The following PTPRB variants were observed in gnomAD, a reference collection of about 807,000 sequenced individuals.
PTPRB encodes receptor-type tyrosine-protein phosphatase beta.
A neutral mutation model predicts 238.1 loss-of-function variants in PTPRB; 97 were observed. That is an observed-to-expected ratio of 0.41 (90% CI 0.35 to 0.48). The LOEUF (loss-of-function observed/expected upper bound fraction) is 0.48. Ranked by LOEUF, PTPRB falls within the 20% of genes least tolerant of loss-of-function variation. PTPRB has a pLI of 0.30. For missense variants in PTPRB, 2,292 were observed against 2,681.9 expected (o/e 0.85, Z 3.21); for synonymous variants, 970 against 995.4 (o/e 0.97, Z 0.48).
intron 29 of PTPRB, among the ~76,000 whole-genome samples, 171 bp from the exon 30 acceptor site, chr12:70,535,126 G>T (rs1211504297): frequency 6.6e-6 from 1 of 151,822 alleles, no homozygotes; most frequent in Admixed American, 6.6e-5. Flanking sequence ...TGAAGCTGAG[G>T]TGCTGCTCCA....
chr12:70,637,054 T>C (rs1399609779), intron 1 of PTPRB, among the ~76,000 whole-genome samples: 2 of 152,148 alleles, frequency 1.3e-5, no homozygotes, highest in Non-Finnish European at 2.9e-5. Context: ...TGTTATATAA[T>C]AATACAAACT....
In PTPRB at chr12:70,632,347, C is replaced by T. The variant is rs568637800; in HGVS notation, c.451+3324G>A. Among the ~76,000 whole-genome samples, 18 of 151,950 alleles carry T rather than the reference C, an allele frequency of 1.2e-4. No individual in the cohort carries two copies. The South Asian group carries it at 2.5e-3, about 21-fold the overall frequency. On this transcript the variant is annotated intron_variant, in intron 2 of 33. Transcript: ENST00000334414. ...CACAAGGACAGAAAACCAAACACCGCGTGTACCACTCATAGGTGGAAATTG... is the reference window on the plus strand; with the variant it reads ...CACAAGGACAGAAAACCAAACACCGTGTGTACCACTCATAGGTGGAAATTG...
In PTPRB at chr12:70,564,932, C is replaced by T. The variant is rs1565950079; in HGVS notation, c.3904+1503G>A. Among the ~76,000 whole-genome samples the T allele has an allele frequency of 2.0e-5, 3 of 151,058 alleles. No homozygotes were observed. In the Admixed American group the frequency reaches 2.0e-4, roughly 10 times the overall value. On this transcript the variant is annotated intron_variant, in intron 15 of 33. Transcript: ENST00000334414. ...GTAAGCCCCAACTCTTGCTATCCCA[C>T]CTTCCTAACTTAATTTCCTTCTTGG... is the stretch of plus-strand genomic sequence containing the variant.
At chr12:70,628,623 G>A (rs1333426344) in intron 2 of PTPRB, among the ~76,000 whole-genome samples, 1 of 152,148 alleles carries the variant, frequency 6.6e-6, no homozygotes, top group Non-Finnish European at 1.5e-5. Context: ...CAAGGCATGA[G>A]AAATTTTCCC....
chr12:70,529,530 T>A (rs1872862297), intron 32 of PTPRB, among the ~76,000 whole-genome samples: 1 of 152,180 alleles, frequency 6.6e-6, no homozygotes, highest in South Asian at 2.1e-4. Context: ...GGATATTTGT[T>A]CATTCATTTA....
intron 2 of PTPRB, among the ~76,000 whole-genome samples, chr12:70,634,916 A>T (rs1205867744): frequency 1.3e-5 from 2 of 152,226 alleles, no homozygotes; most frequent in Non-Finnish European, 2.9e-5. Flanking sequence ...CTAATAGAAG[A>T]GTAAATACAC....
At chr12:70,633,523 C>T (rs1276965339) in intron 2 of PTPRB, among the ~76,000 whole-genome samples, 1 of 151,900 alleles carries the variant, frequency 6.6e-6, no homozygotes, top group African/African-American at 2.4e-5. Flanking sequence ...AAAAATATAT[C>T]TGTTAGCTTA....
rs770849666 is a variant in PTPRB, at chr12:70,521,290, A to C, written c.*199T>G. On this transcript the variant is annotated 3_prime_UTR_variant, in exon 34 of 34. Transcript: ENST00000334414. ...AACATTATGAAAAATACATATTTAC[A>C]GAAGAAACTACAAAATACAACTATG... 3 of 424,642 alleles carry C rather than the reference A, an allele frequency of 7.1e-6. No individual in the cohort carries two copies. 26.3% of individuals were successfully genotyped at this position (424,642 alleles called of 1,614,324 possible). A position where few individuals can be genotyped will look rare whatever the true frequency, so the allele number is the denominator to read the frequency against.
intron 2 of PTPRB, among the ~76,000 whole-genome samples, chr12:70,632,033 A>T (rs941136324): frequency 2.0e-5 from 3 of 152,186 alleles, no homozygotes; most frequent in African/African-American, 7.2e-5. Flanking sequence ...TTCTTCAAGG[A>T]TCTAGAACTA....
rs527877251 is a variant in PTPRB, at chr12:70,598,013, C to G, written c.980-1686G>C. ...TAATAATAACATAAATGTTAGCTGA[C>G]AAGCAAGCTGAGGCAGCAGTAACTA... On this transcript the variant is annotated intron_variant, in intron 4 of 33. Coordinates refer to ENST00000334414, the MANE Select transcript of PTPRB (RefSeq NM_001109754.4). 4.6e-5 allele frequency among the ~76,000 whole-genome samples: 7 copies of G among 152,268 alleles called. No homozygotes were observed. The South Asian group carries it at 1.2e-3, about 27-fold the overall frequency.
chr12:70,539,599 G>A (rs1874722305), intron 26 of PTPRB, 26 bp downstream of exon 26: 2 of 1,471,946 alleles, frequency 1.4e-6, no homozygotes, highest in East Asian at 2.4e-5. Flanking sequence ...TAGGGATGCT[G>A]AAGCTTCATT....
At position 70,571,888 on chromosome 12, in the gene PTPRB, G is replaced by A. The variant is rs759747092; in HGVS notation, c.3042C>T (p.Tyr1014=). The A allele has an allele frequency of 2.5e-6, 4 of 1,613,806 alleles. No homozygotes were observed. The highest frequency in any genetic ancestry group is 1.7e-5 in the Admixed American group (1 of 60,008). The stretch of plus-strand genomic sequence containing the variant: ...CACTTTTTGTAGTAACAGTGACACT[G>A]TACAACCGTCCAGGGACTAGCTGAA... The part of the protein sequence containing the change: ...VFVQLVPGRL[Y]SVTVTTKSGQ... The change falls in exon 12 of 34, where the codon TAC becomes TAT. Residue 1014 remains tyrosine, a synonymous_variant. Coordinates refer to ENST00000334414, the MANE Select transcript of PTPRB (RefSeq NM_001109754.4).
In PTPRB at chr12:70,560,049, C is replaced by G. The variant is rs570115297; in HGVS notation, c.4433-425G>C. 9.2e-5 allele frequency among the ~76,000 whole-genome samples: 14 copies of G among 152,042 alleles called. No homozygotes were observed. Among genetic ancestry groups the G allele is most frequent in the Non-Finnish European group, 1.8e-4 (12 of 68,008 alleles). On this transcript the variant is annotated intron_variant, in intron 17 of 33. Transcript: ENST00000334414. The surrounding 1 kb of genome is among the most constrained non-coding windows in gnomAD (Gnocchi z 4.2). ...ACAGGGTTTCCTCTCGTTGACCAGG[C>G]TGGTCTCGAACTCCAGACCTCAAGT...
Position 70,555,982 on chromosome 12 carries a change from C to T in PTPRB, c.4881G>A (p.Leu1627=), listed in dbSNP as rs931984688. The T allele has an allele frequency of 6.2e-7, 1 of 1,613,948 alleles. No homozygotes were observed. The highest frequency in any genetic ancestry group is 8.5e-7 in the Non-Finnish European group (1 of 1,179,880). The change falls in exon 19 of 34, where the codon CTG becomes CTA. Residue 1627 remains leucine (L), a synonymous_variant. Transcript: ENST00000334414. The part of the protein sequence containing the change: ...FSRKLEKEKS[L]LNIMMLVPHK... ...GGGGCACTAGCATCATGATGTTGAG[C>T]AGAGATTTTTCTTTCTCCAGCTTTC...
chr12:70,606,213 C>T (rs1308683647), intron 4 of PTPRB, among the ~76,000 whole-genome samples: 2 of 152,190 alleles, frequency 1.3e-5, no homozygotes, highest in Admixed American at 1.3e-4. Flanking sequence ...TTTTGTTAGT[C>T]ATCTTTATAA....
In PTPRB at chr12:70,587,958, G is replaced by A. The variant is rs143587340; in HGVS notation, c.2051-691C>T. ...TCTACTAAAAATACAAAAATTAGCCGGGCGTGGTGGCTCACATCTGTAGTC... is the reference window on the plus strand; with the variant it reads ...TCTACTAAAAATACAAAAATTAGCCAGGCGTGGTGGCTCACATCTGTAGTC... On this transcript the variant is annotated intron_variant, in intron 8 of 33. Coordinates refer to ENST00000334414, the MANE Select transcript of PTPRB (RefSeq NM_001109754.4). 4.4e-3 allele frequency among the ~76,000 whole-genome samples: 664 copies of A among 151,488 alleles called. 5 individuals carry two copies. The highest frequency in any genetic ancestry group is 0.015 in the African/African-American group (635 of 41,332).
intron 7 of PTPRB, among the ~76,000 whole-genome samples, chr12:70,590,680 G>T (rs1762228984): frequency 6.8e-6 from 1 of 146,446 alleles, no homozygotes; most frequent in Admixed American, 7.1e-5. Flanking sequence ...TACATTTTTG[G>T]CTCTTTAAGT....
At chr12:70,541,054 T>C (rs1875014646) in intron 22 of PTPRB, 97 bp from the exon 23 acceptor site, 5 of 960,962 alleles carry the variant, frequency 5.2e-6, no homozygotes, top group African/African-American at 3.3e-5. Flanking sequence ...CCAAGTAATG[T>C]TATTACAAAT....
At position 70,596,275 on chromosome 12, in the gene PTPRB, G is replaced by A. The variant is rs778173055; in HGVS notation, c.1032C>T (p.Thr344=). ...AAGGAGTCCACCAAACATGCAAGCT[G>A]GTTGAAGTCGTCTTCTCTTTACTGA... ...FGVSKEKTTS[T]SLHVWWTPSS... The change falls in exon 5 of 34, where the codon ACC becomes ACT. Residue 344 remains threonine (T), a synonymous_variant. Coordinates refer to ENST00000334414, the MANE Select transcript of PTPRB (RefSeq NM_001109754.4). 6 of 1,610,890 alleles carry A rather than the reference G, an allele frequency of 3.7e-6. No homozygotes were observed. The South Asian group carries it at 5.5e-5, about 15-fold the overall frequency.
Sources: gnomAD v4.1 joint callset for allele counts (sites outside exome capture counted in the v4.1 genomes callset) on GRCh38, gnomAD v4.1.1 for gene constraint, Gnocchi (gnomAD v3.1) non-coding constraint, MANE v1.5 for transcripts, NCBI Gene and HGNC (gene_info 2026-07-23, HGNC 2026-07-21) for gene names.